SOX5: variants seen among roughly 807,000 people sequenced by gnomAD.
SOX5 encodes SRY-box transcription factor 5.
A neutral mutation model predicts 92.0 loss-of-function variants in SOX5; 9 were observed. The ratio of observed to expected loss-of-function variants is 0.10; its 90% confidence interval spans 0.06 to 0.17. The LOEUF is 0.17. Ranked by LOEUF, SOX5 falls within the 10% of genes least tolerant of loss-of-function variation. SOX5 has a pLI of 1.00. For synonymous variants in SOX5, 344 were observed against 336.3 expected (o/e 1.02, Z -0.25); for missense variants, 642 against 944.5 (o/e 0.68, Z 4.20).
At chr12:23,543,407 C>G in intron 12 of SOX5, 23 bp from the exon 13 acceptor site, 1 of 1,597,112 alleles carries the variant, frequency 6.3e-7, no homozygotes, top group Non-Finnish European at 8.6e-7. Context: ...AACATCACTT[C>G]GTGTTAGCGT....
intron 4 of SOX5, among the ~76,000 whole-genome samples, chr12:23,751,583 AT>A (rs2094182355): frequency 2.0e-5 from 3 of 151,852 alleles, no homozygotes; most frequent in Admixed American, 6.6e-5. Context: ...TATCTCAAAC[AT>A]TTACATGCCA....
At chr12:24,179,526 A>C (rs1426309793) in intron 4 of SOX5, among the ~76,000 whole-genome samples, 1 of 152,176 alleles carries the variant, frequency 6.6e-6, no homozygotes, top group Non-Finnish European at 1.5e-5. Flanking sequence ...TCTGCAATGC[A>C]CTGTGTTGCC....
chr12:24,362,066 G>A (rs1955635600), intron 2 of SOX5, among the ~76,000 whole-genome samples: 1 of 152,166 alleles, frequency 6.6e-6, no homozygotes, highest in Admixed American at 6.5e-5. Context: ...TTCCTCTAGA[G>A]GGTTTGATGG....
At chr12:24,476,402 C>CTT (rs1231164134) in intron 1 of SOX5, among the ~76,000 whole-genome samples, 2 of 152,162 alleles carry the variant, frequency 1.3e-5, no homozygotes, top group African/African-American at 4.8e-5. Flanking sequence ...ATGTAGAGTA[C>CTT]TGCTGCTCCA....
At chr12:24,220,288 A>T (rs1176876285) in intron 3 of SOX5, among the ~76,000 whole-genome samples, 2 of 152,062 alleles carry the variant, frequency 1.3e-5, no homozygotes, top group Admixed American at 1.3e-4. Flanking sequence ...AATAACATTA[A>T]TTTTCTTCCA....
chr12:23,538,492 A>C lies in SOX5; in HGVS notation c.1772-1823T>G, dbSNP rs533130634. The stretch of plus-strand genomic sequence containing the variant: ...GTCAAGCCATATCATTTGTAGGGAC[A>C]ATCTCAAACTCCTTGTTGGCCCAGC... On this transcript the variant is annotated intron_variant, in intron 13 of 14. Transcript: ENST00000451604. 7.2e-5 allele frequency among the ~76,000 whole-genome samples: 11 copies of C among 152,334 alleles called. No individual in the cohort carries two copies. In the East Asian group the frequency reaches 9.7e-4, roughly 13 times the overall value.
intron 1 of SOX5, among the ~76,000 whole-genome samples, chr12:23,925,744 G>A (rs890700920): frequency 6.6e-6 from 1 of 151,994 alleles, no homozygotes; most frequent in Admixed American, 6.6e-5. Flanking sequence ...AATCTTATTT[G>A]TTTATCCAAG....
intron 4 of SOX5, among the ~76,000 whole-genome samples, chr12:24,090,582 G>T (rs975905193): frequency 3.3e-5 from 5 of 152,008 alleles, no homozygotes; most frequent in African/African-American, 1.2e-4. Flanking sequence ...CCAAATACTG[G>T]ATATTCCAAA....
intron 1 of SOX5, among the ~76,000 whole-genome samples, chr12:24,522,354 T>C (rs1486222923): frequency 6.6e-6 from 1 of 150,440 alleles, no homozygotes; most frequent in African/African-American, 2.5e-5. Context: ...GAAAAATTAA[T>C]GCCAAGCCTT....
rs986141312 is a variant in SOX5 at position 24,555,886 on chromosome 12, T to G, written c.-251+6443A>C. Among the ~76,000 whole-genome samples the G allele has an allele frequency of 3.9e-5, 6 of 152,206 alleles. No individual in the cohort carries two copies. In the East Asian group the frequency reaches 5.8e-4, roughly 15 times the overall value. On this transcript the variant is annotated intron_variant, in intron 1 of 4. Coordinates refer to the SOX5 transcript ENST00000446891. Reference sequence around the variant, plus strand: ...TCCTGTTTTGAGAGTGTAACTGACTTACTTCCCCAACTGCTTCCCCTATGG... The same window carrying G: ...TCCTGTTTTGAGAGTGTAACTGACTGACTTCCCCAACTGCTTCCCCTATGG...
At chr12:24,533,480 AT>A (rs1047867010) in intron 1 of SOX5, among the ~76,000 whole-genome samples, 8 of 152,322 alleles carry the variant, frequency 5.3e-5, no homozygotes, top group African/African-American at 1.9e-4. Flanking sequence ...TTAAATATGC[AT>A]TTAGGGAAAC....
At chr12:24,092,645 A>G (rs193281588) in intron 4 of SOX5, among the ~76,000 whole-genome samples, 178 of 152,348 alleles carry the variant, frequency 1.2e-3, no homozygotes, top group African/African-American at 4.0e-3. Context: ...CCCTCAATTA[A>G]GGACCTTCAT....
At chr12:23,900,434 G>T (rs1273966703) in intron 1 of SOX5, among the ~76,000 whole-genome samples, 1 of 152,146 alleles carries the variant, frequency 6.6e-6, no homozygotes, top group Non-Finnish European at 1.5e-5. Context: ...TTCAGACATG[G>T]ATGGCAAACT....
chr12:24,299,829 C>T (rs1039966087), intron 2 of SOX5, among the ~76,000 whole-genome samples: 1 of 152,156 alleles, frequency 6.6e-6, no homozygotes, highest in Non-Finnish European at 1.5e-5. Context: ...AATGTGTCTC[C>T]TCTGACATGA....
At chr12:23,790,219 C>T (rs994431659) in intron 3 of SOX5, among the ~76,000 whole-genome samples, 1 of 151,928 alleles carries the variant, frequency 6.6e-6, no homozygotes, top group Non-Finnish European at 1.5e-5. Context: ...TACTTAATTG[C>T]CAGAAGACAT....
intron 4 of SOX5, among the ~76,000 whole-genome samples, chr12:24,187,271 T>C (rs1248371959): frequency 6.6e-6 from 1 of 152,208 alleles, no homozygotes; most frequent in Admixed American, 6.5e-5. Context: ...AAAAATCACC[T>C]GGGACAACAG....
intron 4 of SOX5, among the ~76,000 whole-genome samples, chr12:24,072,562 TG>T (rs938268675): frequency 6.6e-6 from 1 of 152,198 alleles, no homozygotes; most frequent in African/African-American, 2.4e-5. Flanking sequence ...AAGTGTGTCC[TG>T]GGGGATGACG....
intron 4 of SOX5, among the ~76,000 whole-genome samples, chr12:23,744,541 T>C (rs73282064): frequency 9.8e-5 from 15 of 152,322 alleles, no homozygotes; most frequent in African/African-American, 3.1e-4. Flanking sequence ...TGCATTGATA[T>C]TAATCAATCA....
At chr12:24,464,273 C>G (rs902111683) in intron 1 of SOX5, among the ~76,000 whole-genome samples, 6 of 151,914 alleles carry the variant, frequency 3.9e-5, no homozygotes, top group Non-Finnish European at 8.8e-5. Context: ...AAATGTGAAG[C>G]TTGTGTTTGT....
Sources: gnomAD v4.1 joint callset for allele counts (sites outside exome capture counted in the v4.1 genomes callset) on GRCh38, gnomAD v4.1.1 for gene constraint, MANE v1.5 for transcripts, NCBI Gene and HGNC (gene_info 2026-07-23, HGNC 2026-07-21) for gene names.